The following SRPK2 variants were observed in gnomAD, a reference collection of about 807,000 sequenced individuals.
SRPK2 encodes SFRS protein kinase 2.
In SRPK2, 21 loss-of-function variants were observed where a neutral mutation model predicts 90.8. The observed-to-expected ratio is 0.23, with a 90% CI of 0.16 to 0.33. The LOEUF (loss-of-function observed/expected upper bound fraction) is 0.33. Ranked by LOEUF, SRPK2 falls within the 10% of genes least tolerant of loss-of-function variation. SRPK2 has a pLI of 1.00. For synonymous variants in SRPK2, 288 were observed against 311.1 expected (o/e 0.93, Z 0.78); for missense variants, 620 against 869.0 (o/e 0.71, Z 3.60).
chr7:105,116,245 T>C (rs1350290454), downstream of SRPK2: 1 of 152,202 alleles, frequency 6.6e-6, no homozygotes, highest in African/African-American at 2.4e-5. Context: ...TTCCTTATAA[T>C]ACGCCTCAAT....
At position 105,351,079 on chromosome 7, in the gene SRPK2, C is replaced by T. The variant is rs535204264; in HGVS notation, c.71+37569G>A. 1.2e-3 allele frequency among the ~76,000 whole-genome samples: 189 copies of T among 152,192 alleles called. 1 individual carries two copies. The highest frequency in any genetic ancestry group is 2.2e-3 in the Non-Finnish European group (148 of 68,000). On this transcript the variant is annotated intron_variant, in intron 2 of 15. Coordinates refer to ENST00000393651, the MANE Select transcript of SRPK2 (RefSeq NM_182692.3). The stretch of plus-strand genomic sequence containing the variant: ...TCTTTAAGAGGTGACTGTGTCATGA[C>T]GGTTCTGCCCTCATGAATGGAACCT...
chr7:105,149,376 A>C (rs565160125), intron 7 of SRPK2, among the ~76,000 whole-genome samples: 11 of 152,262 alleles, frequency 7.2e-5, no homozygotes, highest in South Asian at 6.2e-4. Context: ...CTTGAACTTA[A>C]TTATGACATA....
chr7:105,154,199 G>T lies in SRPK2; in HGVS notation c.621+6308C>A, dbSNP rs539938624. On this transcript the variant is annotated intron_variant, in intron 7 of 15. Transcript: ENST00000393651. Reference sequence around the variant, plus strand: ...ACTTCTGAATGTCATCAGGAAGAAAGTTAAAGCTGCTGTGCCCAGCACTGG... The same window carrying T: ...ACTTCTGAATGTCATCAGGAAGAAATTTAAAGCTGCTGTGCCCAGCACTGG... Among the ~76,000 whole-genome samples the T allele has an allele frequency of 2.0e-5, 3 of 152,334 alleles. No individual in the cohort carries two copies. The South Asian group carries it at 6.2e-4, about 32-fold the overall frequency.
chr7:105,259,019 G>A (rs1273945352), intron 2 of SRPK2, among the ~76,000 whole-genome samples: 2 of 152,152 alleles, frequency 1.3e-5, no homozygotes, highest in African/African-American at 4.8e-5. Context: ...TCAACATAGT[G>A]TTGGAAGTTC....
chr7:105,294,568 T>G (rs927385681), intron 2 of SRPK2, among the ~76,000 whole-genome samples: 5 of 152,138 alleles, frequency 3.3e-5, no homozygotes. Context: ...GTCTCTGTGT[T>G]CAGGCTAGAG....
chr7:105,133,206 G>A, intron 11 of SRPK2, 102 bp from the exon 12 acceptor site: 1 of 1,046,160 alleles, frequency 9.6e-7, no homozygotes, highest in Non-Finnish European at 1.5e-6. Context: ...CAAGAGTAGT[G>A]GAATGATCAC....
intron 2 of SRPK2, among the ~76,000 whole-genome samples, chr7:105,243,599 C>T (rs1044668442): frequency 3.4e-5 from 5 of 147,204 alleles, no homozygotes; most frequent in African/African-American, 5.1e-5. Flanking sequence ...CCATTGCACT[C>T]CAGTCTGGGT....
At chr7:105,263,052 C>A (rs992802245) in intron 2 of SRPK2, among the ~76,000 whole-genome samples, 7 of 152,142 alleles carry the variant, frequency 4.6e-5, no homozygotes, top group Non-Finnish European at 7.3e-5. Flanking sequence ...GCAGACTGGG[C>A]AAGGTGGCTC....
chr7:105,240,738 T>G (rs2129623639), intron 2 of SRPK2, among the ~76,000 whole-genome samples: 1 of 152,364 alleles, frequency 6.6e-6, no homozygotes, highest in East Asian at 1.9e-4. Context: ...AATTGCACTT[T>G]GAAATGGCAA....
intron 13 of SRPK2, 58 bp from the exon 14 acceptor site, chr7:105,127,120 C>G: frequency 6.5e-7 from 1 of 1,549,318 alleles, no homozygotes; most frequent in Non-Finnish European, 8.9e-7. Flanking sequence ...AAGTCAACAG[C>G]TTTTTCTCCT....
chr7:105,229,766 A>C (rs1361868224), intron 2 of SRPK2, among the ~76,000 whole-genome samples: 2 of 148,532 alleles, frequency 1.3e-5, no homozygotes, highest in Non-Finnish European at 3.0e-5. Flanking sequence ...ATATTCTTTC[A>C]AGTAAGAACT....
In SRPK2 at chr7:105,221,438, A is replaced by C. The variant is rs1798082943; in HGVS notation, c.72-17653T>G. ...TACAACAGTCCTCATGCCCTTCTTG[A>C]ATCCAGACAAGAATCTACACTGCCT... On this transcript the variant is annotated intron_variant, in intron 2 of 15. Coordinates refer to ENST00000393651, the MANE Select transcript of SRPK2 (RefSeq NM_182692.3). 2.0e-5 allele frequency among the ~76,000 whole-genome samples: 3 copies of C among 151,668 alleles called. 1 individual carries two copies. The South Asian group carries it at 6.3e-4, about 32-fold the overall frequency.
intron 7 of SRPK2, among the ~76,000 whole-genome samples, chr7:105,152,714 T>C (rs2129579384): frequency 6.6e-6 from 1 of 152,274 alleles, no homozygotes; most frequent in East Asian, 1.9e-4. Context: ...ACTTGTCAAA[T>C]CACAGTATGT....
intron 2 of SRPK2, among the ~76,000 whole-genome samples, chr7:105,339,493 G>A (rs1261759989): frequency 1.3e-5 from 2 of 152,140 alleles, no homozygotes; most frequent in Non-Finnish European, 2.9e-5. Flanking sequence ...AATAATGAAG[G>A]AAGAAACATC....
chr7:105,263,478 A>G (rs1804613009), intron 2 of SRPK2, among the ~76,000 whole-genome samples: 1 of 152,194 alleles, frequency 6.6e-6, no homozygotes, highest in African/African-American at 2.4e-5. Flanking sequence ...ACTACACACA[A>G]CAATATGGAT....
At chr7:105,239,044 T>C (rs796708351) in intron 2 of SRPK2, among the ~76,000 whole-genome samples, 9 of 152,254 alleles carry the variant, frequency 5.9e-5, no homozygotes, top group African/African-American at 2.2e-4. Flanking sequence ...CTTCTCCTAA[T>C]AAGCAAGCCA....
At chr7:105,209,516 T>A (rs1466152688) in intron 2 of SRPK2, among the ~76,000 whole-genome samples, 2 of 148,348 alleles carry the variant, frequency 1.3e-5, no homozygotes, top group Non-Finnish European at 1.5e-5. Context: ...CCAGCCTGCA[T>A]GACAGAGTGA....
intron 2 of SRPK2, among the ~76,000 whole-genome samples, chr7:105,254,624 G>A (rs1357603558): frequency 6.6e-6 from 1 of 151,996 alleles, no homozygotes; most frequent in African/African-American, 2.4e-5. Context: ...ATACTGGATT[G>A]TACGGTTGGT....
At chr7:105,201,001 C>G (rs1475776600) in intron 3 of SRPK2, among the ~76,000 whole-genome samples, 1 of 152,136 alleles carries the variant, frequency 6.6e-6, no homozygotes, top group Non-Finnish European at 1.5e-5. Flanking sequence ...GGAGAATGTA[C>G]TTGATTGTAG....
Sources: allele counts gnomAD v4.1 joint callset (sites outside exome capture counted in the v4.1 genomes callset), GRCh38; gene constraint gnomAD v4.1.1; transcripts MANE v1.5; gene names NCBI Gene and HGNC (gene_info 2026-07-23, HGNC 2026-07-21).